Variants in ZNF263 observed in about 807,000 individuals in gnomAD.
The protein encoded by ZNF263 is zinc finger protein 263, also known as zinc finger protein FPM315.
In ZNF263, 49 loss-of-function variants were observed where a neutral mutation model predicts 63.1. The ratio of observed to expected loss-of-function variants is 0.78; its 90% CI spans 0.62 to 0.99. ZNF263 has a LOEUF of 0.99. Among genes scored for constraint, ZNF263 ranks in the 50% least tolerant of loss-of-function variants. The pLI is 0.00. For missense variants in ZNF263, 872 were observed against 854.8 expected (o/e 1.02, Z -0.25); for synonymous variants, 352 against 324.2 (o/e 1.09, Z -0.92).
At chr16:3,284,548 G>A (rs1311276538) in intron 1 of ZNF263, among the ~76,000 whole-genome samples, 1 of 152,182 alleles carries the variant, frequency 6.6e-6, no homozygotes, top group Admixed American at 6.5e-5. Flanking sequence ...GTAAAATGAG[G>A]ATATTAACAT....
In ZNF263 at chr16:3,283,886, C is replaced by T. The variant is rs368525401; in HGVS notation, c.68C>T (p.Ala23Val). Residue 23 changes from alanine (A) to valine (V), a missense_variant, in exon 1 of 6, where the codon GCC becomes GTC. Coordinates refer to ENST00000219069, the MANE Select transcript of ZNF263 (RefSeq NM_005741.5). ...ATAGTGAAGCTGGAGGAGGACTGCG[C>T]CTGGAGCCAGGAGCTGCCCCCACCT... ...LLIVKLEEDC[A>V]WSQELPPPDP... The T allele has an allele frequency of 6.5e-5, 105 of 1,610,190 alleles. No homozygotes were observed. Among genetic ancestry groups the T allele is most frequent in the Middle Eastern group, 5.0e-4 (3 of 5,998 alleles).
In ZNF263 at chr16:3,285,172, TGGCCCCAGGCTGCAGGAGCTGCTA is replaced by T; in HGVS notation, c.510_533del (p.Arg170_Pro177del). The stretch of plus-strand genomic sequence containing the variant: ...AGCCAATGGAGACTGAGCGAAGCCC[TGGCCCCAGGCTGCAGGAGCTGCTA>T]GGCCCCAGCCCCCAAAGGGACCCCC... On this transcript the variant is annotated inframe_deletion, in exon 2 of 6. Coordinates refer to ENST00000219069, the MANE Select transcript of ZNF263 (RefSeq NM_005741.5). 1 of 1,614,048 alleles carries T rather than the reference TGGCCCCAGGCTGCAGGAGCTGCTA, an allele frequency of 6.2e-7. No individual in the cohort carries two copies. Among genetic ancestry groups the T allele is most frequent in the Non-Finnish European group, 8.5e-7 (1 of 1,180,034 alleles).
chr16:3,291,300 A>T lies in ZNF263; in HGVS notation c.*742A>T. 1 of 985,388 alleles carries T rather than the reference A, an allele frequency of 1.0e-6. No individual in the cohort carries two copies. The highest frequency in any genetic ancestry group is 1.2e-6 in the Non-Finnish European group (1 of 829,926). 61.0% of individuals were successfully genotyped at this position (985,388 alleles called of 1,614,324 possible). On this transcript the variant is annotated 3_prime_UTR_variant, in exon 6 of 6. Coordinates refer to ENST00000219069, the MANE Select transcript of ZNF263 (RefSeq NM_005741.5). ...CCCCACCTGTGTGAGAAAAATAAAC[A>T]GCTCTGGAGTCTTGTTCCTGACTCC...
rs1470258559 is a variant in ZNF263 at position 3,283,559 on chromosome 16, T to C, written c.-260T>C. 18 of 371,360 alleles carry C rather than the reference T, an allele frequency of 4.8e-5. No homozygotes were observed. Among genetic ancestry groups the C allele is most frequent in the Non-Finnish European group, 6.5e-5 (14 of 216,254 alleles). The allele number at this position is 371,360 out of a possible 1,614,324, so 23.0% of individuals were successfully genotyped here. ...TCTTGCGTGGGTCCTCTATATAGGGTGAGAAGCGTGGCGCTCGGTTCCTGC... is the reference window on the plus strand; with the variant it reads ...TCTTGCGTGGGTCCTCTATATAGGGCGAGAAGCGTGGCGCTCGGTTCCTGC... On this transcript the variant is annotated 5_prime_UTR_variant, in exon 1 of 6. Transcript: ENST00000219069.
chr16:3,285,000 C>G, intron 1 of ZNF263, 59 bp from the exon 2 acceptor site: 1 of 1,594,648 alleles, frequency 6.3e-7, no homozygotes, highest in Non-Finnish European at 8.6e-7. Flanking sequence ...GTATCCTATA[C>G]TAATTTCCCT....
rs1959579715 is a variant in ZNF263 at position 3,290,620 on chromosome 16, G to C, written c.*62G>C. On this transcript the variant is annotated 3_prime_UTR_variant, in exon 6 of 6. Transcript: ENST00000219069. ...CATATTCAGAGGAGCCTGTTGGCAA[G>C]AGCTGGTATTCCCTGCCCAGCCGAC... 2.0e-6 allele frequency: 3 copies of C among 1,527,016 alleles called. No homozygotes were observed. Among genetic ancestry groups the C allele is most frequent in the African/African-American group, 1.4e-5 (1 of 72,340 alleles). The allele number at this position is 1,527,016 out of a possible 1,614,324, so 94.6% of individuals were successfully genotyped here. A position where few individuals can be genotyped will look rare whatever the true frequency, so the allele number is the denominator to read the frequency against.
chr16:3,291,575 G>A, downstream of ZNF263: 2 of 880,918 alleles, frequency 2.3e-6, no homozygotes, highest in Non-Finnish European at 2.7e-6. Context: ...TGGTCAGGAA[G>A]ATGCTGACAA....
downstream of ZNF263, among the ~76,000 whole-genome samples, chr16:3,292,414 G>T (rs1004381439): frequency 4.6e-5 from 7 of 152,152 alleles, no homozygotes; most frequent in Non-Finnish European, 8.8e-5. Context: ...GAGGGCAGTG[G>T]TGGTGTGGGG....
In ZNF263 at chr16:3,284,194, CTG is replaced by C. The variant is rs1462784318; in HGVS notation, c.377_378del (p.Leu126GlnfsTer38). On this transcript the variant is annotated frameshift_variant, in exon 1 of 6. Coordinates refer to ENST00000219069, the MANE Select transcript of ZNF263 (RefSeq NM_005741.5). LOFTEE classifies it high-confidence loss of function. ...GGATATGCAGAGAGAGCTTGGGAGA[CTG>C]AGACAACAGGTGAGAGAGAGAGAGA... ...VEDMQRELGR[L>X]RQQVTNHGRG... 5 of 1,539,582 alleles carry C rather than the reference CTG, an allele frequency of 3.2e-6. No homozygotes were observed. The highest frequency in any genetic ancestry group is 4.4e-6 in the Non-Finnish European group (5 of 1,140,882).
downstream of ZNF263, among the ~76,000 whole-genome samples, chr16:3,294,959 G>A (rs1170624774): frequency 1.3e-5 from 2 of 152,168 alleles, no homozygotes; most frequent in Admixed American, 6.5e-5. Context: ...CGTTCAGGGA[G>A]GCCAGTTCCC....
intron 2 of ZNF263, chr16:3,299,164 A>C (rs374114849): frequency 6.4e-7 from 1 of 1,557,564 alleles, no homozygotes; most frequent in Middle Eastern, 1.7e-4. Flanking sequence ...AAGGTAGTCC[A>C]AACTCTCTCT....
Position 3,283,745 on chromosome 16 carries a change from C to A in ZNF263, c.-74C>A. ...CCGGGCTCCTGCTGGCGCCGTCCAA[C>A]CTTACATGGGTTCAGGGCGCCTTCG... On this transcript the variant is annotated 5_prime_UTR_variant, in exon 1 of 6. Transcript: ENST00000219069. 1 of 1,457,752 alleles carries A rather than the reference C, an allele frequency of 6.9e-7. No individual in the cohort carries two copies. The highest frequency in any genetic ancestry group is 9.0e-7 in the Non-Finnish European group (1 of 1,109,796). The allele number at this position is 1,457,752 out of a possible 1,614,324, so 90.3% of individuals were successfully genotyped here.
chr16:3,293,662 G>C (rs1959673595), downstream of ZNF263, among the ~76,000 whole-genome samples: 1 of 152,210 alleles, frequency 6.6e-6, no homozygotes, highest in African/African-American at 2.4e-5. Context: ...CCTTAGCAAA[G>C]GTAGCACATG....
At chr16:3,292,332 C>G (rs898809485), downstream of ZNF263, among the ~76,000 whole-genome samples, 2 of 152,184 alleles carry the variant, frequency 1.3e-5, no homozygotes, top group Non-Finnish European at 2.9e-5. Context: ...CTTTGGTTGT[C>G]TGAGCCAGTT....
At chr16:3,286,635 G>C (rs1959369468) in intron 4 of ZNF263, 1 of 152,706 alleles carries the variant, frequency 6.5e-6, no homozygotes, top group Non-Finnish European at 1.5e-5. Context: ...TAAAAATTCA[G>C]AAAGTGGGGA....
At chr16:3,288,126 C>T (rs980221769) in intron 4 of ZNF263, among the ~76,000 whole-genome samples, 2 of 151,910 alleles carry the variant, frequency 1.3e-5, no homozygotes, top group African/African-American at 4.8e-5. Flanking sequence ...GTGGTGCACG[C>T]CTGTAATCCC....
At chr16:3,288,385 C>T in intron 4 of ZNF263, 69 bp from the exon 5 acceptor site, 1 of 1,144,792 alleles carries the variant, frequency 8.7e-7, no homozygotes. Context: ...GGGCAGGGAA[C>T]AAGACTGTTT....
chr16:3,288,211 C>T (rs1204877210), intron 4 of ZNF263, among the ~76,000 whole-genome samples: 2 of 150,546 alleles, frequency 1.3e-5, no homozygotes, highest in African/African-American at 4.9e-5. Context: ...GAGATCGTGC[C>T]ACTGCACTCC....
Position 3,290,500 on chromosome 16 carries a change from G to A in ZNF263, c.1994G>A (p.Gly665Glu), listed in dbSNP as rs1959574114. 6.2e-7 allele frequency: 1 copy of A among 1,613,992 alleles called. No homozygotes were observed. The highest frequency in any genetic ancestry group is 8.5e-7 in the Non-Finnish European group (1 of 1,179,976). Residue 665 changes from glycine (G) to glutamate (E), a missense_variant, in exon 6 of 6, where the codon GGA (glycine) becomes GAA (glutamate). By Grantham distance (98) the Gly-to-Glu change is moderately conservative (BLOSUM62 -2). Coordinates refer to ENST00000219069, the MANE Select transcript of ZNF263 (RefSeq NM_005741.5). ...AGACCCTATAAATGTTCTGAATGTG[G>A]AGAAAGCTTCTCTCGGAGTTCCCGT... ...GERPYKCSECGESFSRSSRLM... is the reference protein window; with the variant it reads ...GERPYKCSECEESFSRSSRLM...
Sources: allele counts gnomAD v4.1 joint callset (sites outside exome capture counted in the v4.1 genomes callset), GRCh38; gene constraint gnomAD v4.1.1; transcripts MANE v1.5; gene names NCBI Gene and HGNC (gene_info 2026-07-23, HGNC 2026-07-21).